The following SHB variants were observed in gnomAD, a reference collection of about 807,000 sequenced individuals.
The protein encoded by SHB is SH2 domain-containing adapter protein B.
In SHB, 20 loss-of-function variants were observed where a neutral mutation model predicts 52.3. That is an observed-to-expected ratio of 0.38 (90% CI 0.27 to 0.56). The LOEUF is 0.56. Among genes scored for constraint, SHB ranks in the 20% least tolerant of loss-of-function variants. The pLI is 0.71. For synonymous variants in SHB, 397 were observed against 316.5 expected, an observed-to-expected ratio of 1.25 and a Z score of -2.70; for missense variants, 825 against 723.3, an observed-to-expected ratio of 1.14 and a Z score of -1.61.
chr9:37,974,903 C>A, intron 2 of SHB, 66 bp from the exon 3 acceptor site: 1 of 1,296,566 alleles, frequency 7.7e-7, no homozygotes, highest in Non-Finnish European at 1.1e-6. Flanking sequence ...GCATTCCCAC[C>A]CAGAAACACC....
intron 3 of SHB, among the ~76,000 whole-genome samples, chr9:37,969,912 CAAG>C (rs1341792064): frequency 3.3e-5 from 5 of 152,240 alleles, no homozygotes; most frequent in African/African-American, 1.2e-4. Context: ...GGGGACAGAG[CAAG>C]AAGGCCATTT....
intron 5 of SHB, among the ~76,000 whole-genome samples, chr9:37,929,692 CTG>C (rs1832291739): frequency 6.6e-6 from 1 of 152,222 alleles, no homozygotes; most frequent in Non-Finnish European, 1.5e-5. Context: ...TGGCCCAGCT[CTG>C]TGGCCGGATG....
chr9:37,971,663 CTCTG>C lies in SHB; in HGVS notation c.1054+2955_1054+2958del, dbSNP rs146099823. Among the ~76,000 whole-genome samples the C allele has an allele frequency of 6.1e-3, 930 of 152,322 alleles. 13 individuals carry two copies. Among genetic ancestry groups the C allele is most frequent in the African/African-American group, 0.021 (882 of 41,564 alleles). Reference sequence around the variant, plus strand: ...ATGAGACACAGACGTGGATGTGATTCTCTGTCTATCTTCTATCAACAGCCCAATA... The same window carrying C: ...ATGAGACACAGACGTGGATGTGATTCTCTATCTTCTATCAACAGCCCAATA... On this transcript the variant is annotated intron_variant, in intron 3 of 5. Coordinates refer to ENST00000377707, the MANE Select transcript of SHB (RefSeq NM_003028.3).
At chr9:37,931,838 T>C (rs1286481120) in intron 5 of SHB, among the ~76,000 whole-genome samples, 1 of 152,156 alleles carries the variant, frequency 6.6e-6, no homozygotes, top group Non-Finnish European at 1.5e-5. Context: ...TGAAAACAAC[T>C]GAAGGTCTGT....
At position 37,988,369 on chromosome 9, in the gene SHB, G is replaced by A. The variant is rs577578401; in HGVS notation, c.839-13532C>T. Among the ~76,000 whole-genome samples the A allele has an allele frequency of 3.3e-5, 5 of 152,248 alleles. No homozygotes were observed. The East Asian group carries it at 9.7e-4, about 29-fold the overall frequency. On this transcript the variant is annotated intron_variant, in intron 2 of 5. Coordinates refer to ENST00000377707, the MANE Select transcript of SHB (RefSeq NM_003028.3). ...ACCAGATGATCTCAGAGGCCTTTCT[G>A]ACTCCAGAGTTTCTCAGTCTGCTTC...
chr9:38,041,221 G>A (rs1017609140), intron 1 of SHB, among the ~76,000 whole-genome samples: 3 of 152,148 alleles, frequency 2.0e-5, no homozygotes, highest in African/African-American at 7.2e-5. Context: ...CCCTAATCAA[G>A]AGCCTGCATT....
At position 37,953,423 on chromosome 9, in the gene SHB, T is replaced by G. The variant is rs546737096; in HGVS notation, c.1226+2460A>C. 2.7e-5 allele frequency among the ~76,000 whole-genome samples: 4 copies of G among 150,078 alleles called. No individual in the cohort carries two copies. The East Asian group carries it at 7.8e-4, about 29-fold the overall frequency. ...GTTGAGAGGAATGTTGAGTCAAGGTTTTTTTTTTTTACTTATGTTGGCAAA... is the reference window on the plus strand; with the variant it reads ...GTTGAGAGGAATGTTGAGTCAAGGTGTTTTTTTTTTACTTATGTTGGCAAA... On this transcript the variant is annotated intron_variant, in intron 4 of 5. Coordinates refer to ENST00000377707, the MANE Select transcript of SHB (RefSeq NM_003028.3).
At chr9:38,018,508 A>AG (rs1432280824) in intron 1 of SHB, among the ~76,000 whole-genome samples, 1 of 150,078 alleles carries the variant, frequency 6.7e-6, no homozygotes, top group Non-Finnish European at 1.5e-5. Flanking sequence ...CTTCCATTGA[A>AG]AAAAAAAAAA....
At chr9:37,985,719 C>T (rs1030939707) in intron 2 of SHB, among the ~76,000 whole-genome samples, 15 of 152,238 alleles carry the variant, frequency 9.9e-5, no homozygotes, top group African/African-American at 1.9e-4. Flanking sequence ...TGAACCCCTA[C>T]TATGTGCCAC....
intron 3 of SHB, 87 bp downstream of exon 3, chr9:37,974,535 G>C (rs189136603): frequency 8.9e-6 from 10 of 1,117,968 alleles, no homozygotes; most frequent in Non-Finnish European, 1.3e-5. Flanking sequence ...AACAACCCTG[G>C]AGTTTGTCCT....
rs866855837 is a variant in SHB at position 37,955,062 on chromosome 9, C to T, written c.1226+821G>A. Among the ~76,000 whole-genome samples the T allele has an allele frequency of 5.3e-5, 8 of 152,104 alleles. No homozygotes were observed. In the South Asian group the frequency reaches 6.2e-4, roughly 12 times the overall value. On this transcript the variant is annotated intron_variant, in intron 4 of 5. Coordinates refer to ENST00000377707, the MANE Select transcript of SHB (RefSeq NM_003028.3). ...ACCCGCATCAAGAGTGGAAAGGCCT[C>T]GCCCAACTCTAACAGTATCAAGCAG...
chr9:38,065,461 T>C (rs943020597), intron 1 of SHB, among the ~76,000 whole-genome samples: 7 of 152,074 alleles, frequency 4.6e-5, no homozygotes. Flanking sequence ...ACCTGGGAAA[T>C]GATGGAATGC....
chr9:37,933,868 A>T (rs1010555361), intron 5 of SHB, among the ~76,000 whole-genome samples: 19 of 152,140 alleles, frequency 1.2e-4, no homozygotes, highest in African/African-American at 4.3e-4. Context: ...TCCGAGCTCT[A>T]GCTCCTGCAG....
chr9:37,999,606 T>C (rs1465725430), intron 2 of SHB, among the ~76,000 whole-genome samples: 2 of 151,932 alleles, frequency 1.3e-5, no homozygotes, highest in East Asian at 1.9e-4. Context: ...AAGCGCCGCA[T>C]ACTGAGTGGA....
chr9:38,056,389 T>C (rs1265371947), intron 1 of SHB, among the ~76,000 whole-genome samples: 1 of 152,224 alleles, frequency 6.6e-6, no homozygotes, highest in African/African-American at 2.4e-5. Flanking sequence ...TGGAATACAC[T>C]GGCGCAATCT....
chr9:37,974,204 C>A (rs553649403), intron 3 of SHB, among the ~76,000 whole-genome samples: 2 of 152,116 alleles, frequency 1.3e-5, no homozygotes, highest in Non-Finnish European at 2.9e-5. Flanking sequence ...TGCGGTGAGC[C>A]GAGATCGCAT....
At position 37,974,798 on chromosome 9, in the gene SHB, C is replaced by T. The variant is rs373265608; in HGVS notation, c.878G>A (p.Gly293Asp). The T allele has an allele frequency of 5.0e-6, 8 of 1,614,002 alleles. No individual in the cohort carries two copies. Among genetic ancestry groups the T allele is most frequent in the Non-Finnish European group, 6.8e-6 (8 of 1,180,016 alleles). ...GTAAGGGGTGTCATATAACTGGATA[C>T]CTTTATGCTGGGACCGGACACTTTC... Reference protein sequence around the residue: ...RQESVRSQHKGIQLYDTPYEP... With the variant: ...RQESVRSQHKDIQLYDTPYEP... Residue 293 changes from glycine to aspartate, a missense_variant, in exon 3 of 6, where the codon GGT becomes GAT. Transcript: ENST00000377707.
At chr9:38,067,818 G>T (rs1205078419) in intron 1 of SHB, 111 bp downstream of exon 1, 1 of 1,204,610 alleles carries the variant, frequency 8.3e-7, no homozygotes, top group Non-Finnish European at 1.1e-6. Flanking sequence ...CCGACCCAGG[G>T]TCCTAGGCCG....
At chr9:37,985,839 T>G (rs1438398646) in intron 2 of SHB, among the ~76,000 whole-genome samples, 2 of 123,462 alleles carry the variant, frequency 1.6e-5, no homozygotes, top group African/African-American at 6.7e-5. Context: ...CTGTAAGCGC[T>G]GAGTTGGACA....
Sources: gnomAD v4.1 joint callset for allele counts (sites outside exome capture counted in the v4.1 genomes callset) on GRCh38, gnomAD v4.1.1 for gene constraint, MANE v1.5 for transcripts, NCBI Gene and HGNC (gene_info 2026-07-23, HGNC 2026-07-21) for gene names.